The following ASTN2 variants were observed in gnomAD, a reference collection of about 807,000 sequenced individuals.
ASTN2 encodes astrotactin 2.
ASTN2 carries 54 observed loss-of-function variants against 139.8 expected under a neutral mutation model. That is an observed-to-expected ratio of 0.39 (90% CI 0.31 to 0.48). The LOEUF is 0.48. Among genes scored for constraint, ASTN2 ranks in the 20% least tolerant of loss-of-function variants. ASTN2 has a pLI of 0.95. For missense variants in ASTN2, 1,565 were observed against 1,725.1 expected (o/e 0.91, Z 1.64); for synonymous variants, 756 against 719.5 (o/e 1.05, Z -0.81).
chr9:116,561,181 G>C (rs1852894767), intron 19 of ASTN2, among the ~76,000 whole-genome samples: 3 of 152,066 alleles, frequency 2.0e-5, no homozygotes, highest in Admixed American at 1.3e-4. Context: ...ATTCCCTCTT[G>C]CCTAATATCC....
At position 116,853,984 on chromosome 9, in the gene ASTN2, A is replaced by G. The variant is rs565338996; in HGVS notation, c.2040+9599T>C. 2.6e-5 allele frequency among the ~76,000 whole-genome samples: 4 copies of G among 152,282 alleles called. No homozygotes were observed. The South Asian group carries it at 8.3e-4, about 32-fold the overall frequency. On this transcript the variant is annotated intron_variant, in intron 11 of 22. Transcript: ENST00000313400. ...GCTGGGATGTTCCCCTTCATGAAATATTAGGCAATATTAGTGATATATATG... is the reference window on the plus strand; with the variant it reads ...GCTGGGATGTTCCCCTTCATGAAATGTTAGGCAATATTAGTGATATATATG...
intron 1 of ASTN2, among the ~76,000 whole-genome samples, chr9:117,327,822 A>G (rs1828567591): frequency 6.6e-6 from 1 of 152,210 alleles, no homozygotes; most frequent in African/African-American, 2.4e-5. Context: ...CCAGTGATAA[A>G]TAAAGCAATC....
intron 2 of ASTN2, among the ~76,000 whole-genome samples, chr9:117,224,629 A>G (rs1381040398): frequency 6.6e-6 from 1 of 152,238 alleles, no homozygotes; most frequent in African/African-American, 2.4e-5. Flanking sequence ...GCGTTTTGGA[A>G]GAGATGAAAT....
chr9:116,744,458 A>C (rs1014618646), intron 13 of ASTN2, among the ~76,000 whole-genome samples: 41 of 152,142 alleles, frequency 2.7e-4, no homozygotes, highest in Non-Finnish European at 7.3e-5. Context: ...TAGAGGATGG[A>C]CTGAAAAAAG....
intron 10 of ASTN2, among the ~76,000 whole-genome samples, chr9:116,881,027 TG>T (rs1287798288): frequency 6.6e-6 from 1 of 152,064 alleles, no homozygotes; most frequent in African/African-American, 2.4e-5. Flanking sequence ...TAGCCACACA[TG>T]GATCTTGAAG....
At chr9:117,062,296 C>T (rs1477660155) in intron 5 of ASTN2, among the ~76,000 whole-genome samples, 3 of 152,146 alleles carry the variant, frequency 2.0e-5, no homozygotes, top group African/African-American at 4.8e-5. Context: ...AAGAATAGGG[C>T]CACAACTATC....
At chr9:117,253,408 A>G (rs1225645047) in intron 2 of ASTN2, among the ~76,000 whole-genome samples, 1 of 152,166 alleles carries the variant, frequency 6.6e-6, no homozygotes. Context: ...AATCCCAGAG[A>G]CATTTCCTTG....
At chr9:117,293,164 C>A (rs1834637781) in intron 1 of ASTN2, among the ~76,000 whole-genome samples, 1 of 152,116 alleles carries the variant, frequency 6.6e-6, no homozygotes, top group South Asian at 2.1e-4. Flanking sequence ...ACTCCTCATT[C>A]AGTTCATCAG....
At chr9:116,574,399 C>G (rs62576101) in intron 19 of ASTN2, among the ~76,000 whole-genome samples, 24,571 of 152,140 alleles carry the variant, frequency 0.16, 2,172 homozygotes, top group African/African-American at 0.22. Flanking sequence ...AAGGCCAGTG[C>G]CAGGCCCCAG....
At chr9:116,976,929 A>G (rs903606852) in intron 7 of ASTN2, 144 bp from the exon 8 acceptor site, 3 of 661,122 alleles carry the variant, frequency 4.5e-6, no homozygotes, top group Non-Finnish European at 7.8e-6. Flanking sequence ...TTGTCCATCA[A>G]CCACTGTGGT....
intron 3 of ASTN2, among the ~76,000 whole-genome samples, chr9:117,176,022 T>C (rs532589919): frequency 6.6e-6 from 1 of 151,616 alleles, no homozygotes; most frequent in Admixed American, 6.6e-5. Context: ...GAACATTTAC[T>C]AATCAGGTAA....
intron 14 of ASTN2, among the ~76,000 whole-genome samples, chr9:116,731,909 C>T (rs963627705): frequency 2.0e-5 from 3 of 152,088 alleles, no homozygotes; most frequent in Admixed American, 6.5e-5. Context: ...AGAGGGATAA[C>T]CACTCAGGAA....
chr9:117,205,349 C>G (rs1484217507), intron 3 of ASTN2, among the ~76,000 whole-genome samples: 1 of 152,144 alleles, frequency 6.6e-6, no homozygotes, highest in Non-Finnish European at 1.5e-5. Flanking sequence ...TACCACGTGC[C>G]AAGTCATGGG....
rs535802636 is a variant in ASTN2 at position 117,073,688 on chromosome 9, C to T, written c.1276+22356G>A. Reference sequence around the variant, plus strand: ...TGAAGGGACAAACCACTCCTTCTCTCAGGAGTGACAAATTATGTCGACAAC... The same window carrying T: ...TGAAGGGACAAACCACTCCTTCTCTTAGGAGTGACAAATTATGTCGACAAC... On this transcript the variant is annotated intron_variant, in intron 5 of 22. Transcript: ENST00000313400. 3.3e-5 allele frequency among the ~76,000 whole-genome samples: 5 copies of T among 152,270 alleles called. No individual in the cohort carries two copies. In the East Asian group the frequency reaches 9.7e-4, roughly 29 times the overall value.
chr9:116,708,814 A>G (rs536738453), intron 16 of ASTN2, among the ~76,000 whole-genome samples: 33 of 152,142 alleles, frequency 2.2e-4, no homozygotes, highest in Admixed American at 5.9e-4. Context: ...CTCATTTACA[A>G]ATTTTACTTA....
chr9:117,310,651 A>C (rs540836080), intron 1 of ASTN2, among the ~76,000 whole-genome samples: 1 of 151,980 alleles, frequency 6.6e-6, no homozygotes, highest in Non-Finnish European at 1.5e-5. Flanking sequence ...GTTTTTTGAG[A>C]TAGCGTCTCC....
At chr9:116,966,943 A>G (rs970342322) in intron 10 of ASTN2, among the ~76,000 whole-genome samples, 75 of 152,190 alleles carry the variant, frequency 4.9e-4, no homozygotes, top group African/African-American at 1.7e-3. Flanking sequence ...ACAACAGCCA[A>G]CATTTACTGA....
At chr9:116,539,531 A>G (rs1851792248) in intron 19 of ASTN2, among the ~76,000 whole-genome samples, 1 of 152,202 alleles carries the variant, frequency 6.6e-6, no homozygotes, top group South Asian at 2.1e-4. Flanking sequence ...TTGAACACTT[A>G]TTTTGTTTAT....
At chr9:117,347,440 C>G (rs1001152336) in intron 1 of ASTN2, among the ~76,000 whole-genome samples, 1 of 151,988 alleles carries the variant, frequency 6.6e-6, no homozygotes, top group East Asian at 1.9e-4. Context: ...ATGCTAGATA[C>G]GGCTAAGTCT....
Sources: gnomAD v4.1 joint callset for allele counts (sites outside exome capture counted in the v4.1 genomes callset) on GRCh38, gnomAD v4.1.1 for gene constraint, MANE v1.5 for transcripts, NCBI Gene and HGNC (gene_info 2026-07-23, HGNC 2026-07-21) for gene names.